Variants in MARCHF1 observed in about 807,000 individuals in gnomAD.
MARCHF1 encodes membrane associated ring-CH-type finger 1, also known as E3 ubiquitin-protein ligase MARCHF1.
In MARCHF1, 40 loss-of-function variants were observed where a neutral mutation model predicts 54.2. That is an observed-to-expected ratio of 0.74 (90% CI 0.57 to 0.96). MARCHF1 has a LOEUF of 0.96. MARCHF1 is among the 40% of genes least tolerant of loss of function. The pLI is 0.00. For synonymous variants in MARCHF1, 236 were observed against 236.3 expected, an observed-to-expected ratio of 1.00 and a Z score of 0.01; for missense variants, 586 against 656.5, an observed-to-expected ratio of 0.89 and a Z score of 1.17.
chr4:163,801,380 A>G (rs758829399), intron 4 of MARCHF1, among the ~76,000 whole-genome samples: 3 of 150,658 alleles, frequency 2.0e-5, no homozygotes, highest in Non-Finnish European at 4.4e-5. Context: ...CCAGTTCTTG[A>G]AAAAAAAATC....
At chr4:164,295,164 G>C (rs1194252672) in intron 1 of MARCHF1, among the ~76,000 whole-genome samples, 1 of 152,086 alleles carries the variant, frequency 6.6e-6, no homozygotes, top group Admixed American at 6.6e-5. Context: ...CTAAACTATG[G>C]GGGAGAATAA....
chr4:164,062,482 T>C (rs890753467), intron 2 of MARCHF1, among the ~76,000 whole-genome samples: 9 of 152,126 alleles, frequency 5.9e-5, no homozygotes, highest in Non-Finnish European at 7.4e-5. Flanking sequence ...AATCACTATA[T>C]ATGGATACTA....
Position 164,138,869 on chromosome 4 carries a change from T to C in MARCHF1, c.-322-27207A>G, listed in dbSNP as rs746372676. ...TTGAAAGCTATCATGGCTAACAATT[T>C]GATTTTGAAAAAAAAGTATTCTGAA... On this transcript the variant is annotated intron_variant, in intron 1 of 9. Coordinates refer to ENST00000514618, the MANE Select transcript of MARCHF1 (RefSeq NM_001394959.1). Among the ~76,000 whole-genome samples, 28 of 152,184 alleles carry C rather than the reference T, an allele frequency of 1.8e-4. 1 individual carries two copies. Among genetic ancestry groups the C allele is most frequent in the Admixed American group, 3.9e-4 (6 of 15,286 alleles).
chr4:163,590,728 C>G (rs1740563289), intron 7 of MARCHF1, among the ~76,000 whole-genome samples: 1 of 151,942 alleles, frequency 6.6e-6, no homozygotes, highest in Admixed American at 6.6e-5. Flanking sequence ...TGGGTTTTGC[C>G]ACAAATAAGT....
intron 1 of MARCHF1, among the ~76,000 whole-genome samples, chr4:164,354,941 A>G (rs1730475815): frequency 7.4e-6 from 1 of 135,642 alleles, no homozygotes. Context: ...TCAATGTACA[A>G]AAATCACAAG....
chr4:164,148,575 G>T (rs1318100411), intron 1 of MARCHF1, among the ~76,000 whole-genome samples: 1 of 151,840 alleles, frequency 6.6e-6, no homozygotes, highest in Non-Finnish European at 1.5e-5. Context: ...TTTTCCTTCT[G>T]TTTGAGCCAT....
chr4:164,030,242 A>G (rs1214992265), intron 2 of MARCHF1, among the ~76,000 whole-genome samples: 1 of 152,046 alleles, frequency 6.6e-6, no homozygotes, highest in East Asian at 1.9e-4. Flanking sequence ...TAAAAAAATC[A>G]AAAGATGCTT....
chr4:163,624,595 A>C (rs767997452), intron 5 of MARCHF1, among the ~76,000 whole-genome samples: 3 of 152,236 alleles, frequency 2.0e-5, no homozygotes, highest in Non-Finnish European at 2.9e-5. Context: ...CTAGAGGATT[A>C]GGGAGAGATG....
chr4:164,275,808 C>A (rs1733867480), intron 1 of MARCHF1, among the ~76,000 whole-genome samples: 1 of 152,128 alleles, frequency 6.6e-6, no homozygotes, highest in South Asian at 2.1e-4. Flanking sequence ...TAGTTGATAC[C>A]AGAGGACTCT....
intron 1 of MARCHF1, among the ~76,000 whole-genome samples, chr4:164,132,204 C>T (rs563602912): frequency 1.1e-4 from 17 of 152,220 alleles, no homozygotes; most frequent in African/African-American, 1.9e-4. Context: ...CCTCTTTCTT[C>T]GTTTCACGAG....
rs1017133137 is a variant in MARCHF1 at position 163,525,584 on chromosome 4, C to T, written c.*3164G>A. On this transcript the variant is annotated 3_prime_UTR_variant, in exon 10 of 10. Coordinates refer to ENST00000514618, the MANE Select transcript of MARCHF1 (RefSeq NM_001394959.1). ...TTACAATTTAATCTTTACTCCTGTA[C>T]GATAAGAGTGATAGTTCTTTAAAAA... is the stretch of plus-strand genomic sequence containing the variant. The T allele has an allele frequency of 9.9e-5, 15 of 151,934 alleles. No individual in the cohort carries two copies. The highest frequency in any genetic ancestry group is 1.7e-4 in the African/African-American group (7 of 41,372). The allele number at this position is 151,934 out of a possible 1,614,324, so 9.4% of individuals were successfully genotyped here.
chr4:163,853,450 A>G (rs923130089), intron 4 of MARCHF1, among the ~76,000 whole-genome samples: 6 of 152,348 alleles, frequency 3.9e-5, no homozygotes, highest in South Asian at 2.1e-4. Context: ...TAATCCCTGG[A>G]AAATGATAGC....
At chr4:164,252,664 GAATC>G (rs1387921762) in intron 1 of MARCHF1, among the ~76,000 whole-genome samples, 4 of 152,034 alleles carry the variant, frequency 2.6e-5, no homozygotes, top group African/African-American at 7.2e-5. Flanking sequence ...ATGGTAAGAT[GAATC>G]AATCAATCAA....
At chr4:163,705,266 C>A (rs1468409778) in intron 4 of MARCHF1, among the ~76,000 whole-genome samples, 2 of 151,360 alleles carry the variant, frequency 1.3e-5, no homozygotes, top group Non-Finnish European at 3.0e-5. Context: ...TATCCCTAAT[C>A]CATATTATTA....
intron 1 of MARCHF1, among the ~76,000 whole-genome samples, chr4:164,250,917 C>G (rs937560308): frequency 6.6e-5 from 10 of 151,982 alleles, no homozygotes; most frequent in African/African-American, 1.9e-4. Flanking sequence ...CTAAATTACT[C>G]CCTACCTCTT....
At chr4:164,366,988 C>T (rs1160727030) in intron 1 of MARCHF1, among the ~76,000 whole-genome samples, 1 of 152,030 alleles carries the variant, frequency 6.6e-6, no homozygotes, top group Non-Finnish European at 1.5e-5. Flanking sequence ...TAGTTCCTAA[C>T]ACAAGGCCTA....
chr4:164,023,720 G>C (rs938070936), intron 2 of MARCHF1, among the ~76,000 whole-genome samples: 6 of 152,152 alleles, frequency 3.9e-5, no homozygotes, highest in African/African-American at 1.2e-4. Context: ...CTTCCCAGCA[G>C]TAGTTCTTAA....
chr4:164,173,564 G>T (rs775532342), intron 1 of MARCHF1, among the ~76,000 whole-genome samples: 1 of 152,146 alleles, frequency 6.6e-6, no homozygotes, highest in Non-Finnish European at 1.5e-5. Context: ...GGAGGTGTTT[G>T]GGTCATGGGG....
chr4:163,754,848 A>T (rs1033927792), intron 4 of MARCHF1, among the ~76,000 whole-genome samples: 1 of 152,132 alleles, frequency 6.6e-6, no homozygotes, highest in Non-Finnish European at 1.5e-5. Flanking sequence ...AAAACACGGG[A>T]CCCTGAAGGC....
Sources: gnomAD v4.1 joint callset for allele counts (sites outside exome capture counted in the v4.1 genomes callset) on GRCh38, gnomAD v4.1.1 for gene constraint, MANE v1.5 for transcripts, NCBI Gene and HGNC (gene_info 2026-07-23, HGNC 2026-07-21) for gene names.